The following UTRN variants were observed in gnomAD, a reference collection of about 807,000 sequenced individuals.
The protein encoded by UTRN is utrophin.
UTRN carries 283 observed loss-of-function variants against 463.9 expected under a neutral mutation model. That is an observed-to-expected ratio of 0.61 (90% CI 0.55 to 0.67). UTRN has a LOEUF of 0.67. Among genes scored for constraint, UTRN ranks in the 30% least tolerant of loss-of-function variants. UTRN has a pLI of 0.00. For synonymous variants in UTRN, 1,442 were observed against 1,431.5 expected, an observed-to-expected ratio of 1.01 and a Z score of -0.17; for missense variants, 3,922 against 4,084.3, an observed-to-expected ratio of 0.96 and a Z score of 1.08.
At chr6:144,297,445 C>T (rs1048429442) in intron 2 of UTRN, among the ~76,000 whole-genome samples, 4 of 152,106 alleles carry the variant, frequency 2.6e-5, no homozygotes, top group African/African-American at 9.7e-5. Context: ...TGAGGAAAGA[C>T]AGTGGTTAAG....
At chr6:144,418,819 T>C (rs1009939241) in intron 3 of UTRN, among the ~76,000 whole-genome samples, 2 of 152,274 alleles carry the variant, frequency 1.3e-5, no homozygotes, top group African/African-American at 4.8e-5. Flanking sequence ...CCCAAAGTGC[T>C]GAGATTACAG....
intron 27 of UTRN, among the ~76,000 whole-genome samples, chr6:144,483,915 C>T (rs1792150545): frequency 1.3e-5 from 2 of 152,232 alleles, no homozygotes; most frequent in Middle Eastern, 3.4e-3. Context: ...ACTGGCTGGC[C>T]CTTTGTAGAA....
chr6:144,798,211 A>T (rs1357908273), intron 64 of UTRN, among the ~76,000 whole-genome samples: 1 of 152,106 alleles, frequency 6.6e-6, no homozygotes, highest in Non-Finnish European at 1.5e-5. Flanking sequence ...CATTTACACT[A>T]CTTGGATCAG....
At chr6:144,638,414 T>C (rs980933002) in intron 51 of UTRN, among the ~76,000 whole-genome samples, 2 of 152,202 alleles carry the variant, frequency 1.3e-5, no homozygotes, top group African/African-American at 4.8e-5. Context: ...TGTGGTGAAA[T>C]TGGTTTTATT....
At chr6:144,472,575 G>T (rs988419116) in intron 23 of UTRN, among the ~76,000 whole-genome samples, 1 of 152,064 alleles carries the variant, frequency 6.6e-6, no homozygotes, top group Admixed American at 6.6e-5. Flanking sequence ...AAAAATTGAT[G>T]TAGTTTCCAG....
chr6:144,701,587 T>C (rs1784596809), intron 53 of UTRN, among the ~76,000 whole-genome samples: 1 of 152,330 alleles, frequency 6.6e-6, no homozygotes, highest in African/African-American at 2.4e-5. Flanking sequence ...TATGCCCATT[T>C]TCTTGTATAT....
Position 144,637,692 on chromosome 6 carries a change from A to G in UTRN, c.7480-40714A>G, listed in dbSNP as rs920809742. Among the ~76,000 whole-genome samples the G allele has an allele frequency of 2.6e-5, 4 of 151,662 alleles. No homozygotes were observed. The South Asian group carries it at 8.3e-4, about 31-fold the overall frequency. On this transcript the variant is annotated intron_variant, in intron 51 of 74. Coordinates refer to ENST00000367545, the MANE Select transcript of UTRN (RefSeq NM_007124.3). ...TTCTGTACGTGGCATATGTTTCAAC[A>G]TCTTGCCTTTTCCCCTCCACCCTAA...
chr6:144,732,241 T>TATATATATATATATATATAC (rs1562832431), intron 54 of UTRN, among the ~76,000 whole-genome samples: 851 of 23,874 alleles, frequency 0.036, 11 homozygotes, highest in South Asian at 0.094. Context: ...TATATATACA[T>TATATATATATATATATATAC]ATATATATAT....
intron 51 of UTRN, among the ~76,000 whole-genome samples, chr6:144,621,758 T>A (rs1046846640): frequency 6.6e-6 from 1 of 152,136 alleles, no homozygotes; most frequent in African/African-American, 2.4e-5. Context: ...ACCCCCAGTA[T>A]AAGAGTGTAA....
At chr6:144,712,934 G>A (rs575959700) in intron 53 of UTRN, among the ~76,000 whole-genome samples, 92 of 152,238 alleles carry the variant, frequency 6.0e-4, no homozygotes, top group Non-Finnish European at 1.1e-3. Flanking sequence ...GTAGAGTAAG[G>A]GGTGCTGCTT....
rs7738137 is a variant in UTRN, at chr6:144,844,628, G to A, written c.10271-2177G>A. On this transcript the variant is annotated intron_variant, in intron 73 of 74. Coordinates refer to ENST00000367545, the MANE Select transcript of UTRN (RefSeq NM_007124.3). ...ATTTTCTAGCTGGGAAGGTTTCCTT[G>A]TAGCATTCCTAGATAGTACTCAGAA... Among the ~76,000 whole-genome samples the A allele has an allele frequency of 5.9e-3, 890 of 152,134 alleles. 8 individuals carry two copies. Among genetic ancestry groups the A allele is most frequent in the African/African-American group, 0.019 (774 of 41,506 alleles).
At chr6:144,738,337 T>C (rs990474247) in intron 54 of UTRN, among the ~76,000 whole-genome samples, 5 of 152,200 alleles carry the variant, frequency 3.3e-5, no homozygotes, top group African/African-American at 1.2e-4. Context: ...TGCTGCACAG[T>C]GAAGCTGTGC....
At chr6:144,606,634 C>T (rs889717377) in intron 51 of UTRN, among the ~76,000 whole-genome samples, 3 of 152,150 alleles carry the variant, frequency 2.0e-5, no homozygotes, top group Admixed American at 2.0e-4. Context: ...CTGATGCAAA[C>T]TCTTAGAAAT....
At chr6:144,592,129 A>G (rs983885679) in intron 51 of UTRN, among the ~76,000 whole-genome samples, 5 of 152,000 alleles carry the variant, frequency 3.3e-5, no homozygotes, top group African/African-American at 1.2e-4. Flanking sequence ...TGCTTTTTTT[A>G]TGTCTTATAT....
chr6:144,328,788 A>G (rs1455216682), intron 2 of UTRN, among the ~76,000 whole-genome samples: 3 of 151,444 alleles, frequency 2.0e-5, no homozygotes, highest in Non-Finnish European at 4.4e-5. Flanking sequence ...GTGAAGCCAG[A>G]CAAATTTTTT....
intron 63 of UTRN, among the ~76,000 whole-genome samples, chr6:144,796,533 C>G (rs1455656009): frequency 6.6e-6 from 1 of 152,080 alleles, no homozygotes; most frequent in Non-Finnish European, 1.5e-5. Context: ...ATTAAAGTAT[C>G]AGTTTTTTTT....
intron 51 of UTRN, among the ~76,000 whole-genome samples, chr6:144,609,700 A>G (rs1172200042): frequency 6.6e-6 from 1 of 152,210 alleles, no homozygotes; most frequent in Non-Finnish European, 1.5e-5. Context: ...ACCTTAGCAA[A>G]TGTAAGAGTA....
At position 144,751,830 on chromosome 6, in the gene UTRN, A is replaced by T. The variant is rs1354312982; in HGVS notation, c.8233A>T (p.Ile2745Phe). The part of the protein sequence containing the change: ...IMAFREEIAP[I>F]NFKVKTVNDL... ...GGCATTTAGAGAAGAAATTGCACCAATCAACTTTAAAGTTAAAACGGTGAA... is the reference window on the plus strand; with the variant it reads ...GGCATTTAGAGAAGAAATTGCACCATTCAACTTTAAAGTTAAAACGGTGAA... Residue 2745 changes from isoleucine (I) to phenylalanine (F), a missense_variant, in exon 56 of 75, where the codon ATC (isoleucine) becomes TTC (phenylalanine). By Grantham distance (21) the Ile-to-Phe change is conservative (BLOSUM62 0). Around this residue, in one of 3 missense-constraint regions of UTRN, gnomAD observed 1,309 missense variants for 1,452.6 expected, o/e 0.90. Transcript: ENST00000367545. 1 of 1,608,518 alleles carries T rather than the reference A, an allele frequency of 6.2e-7. No homozygotes were observed. Among genetic ancestry groups the T allele is most frequent in the African/African-American group, 1.3e-5 (1 of 74,568 alleles).
chr6:144,747,298 A>G (rs1235505154), intron 54 of UTRN, among the ~76,000 whole-genome samples: 2 of 152,228 alleles, frequency 1.3e-5, no homozygotes, highest in Non-Finnish European at 2.9e-5. Flanking sequence ...GGATACCACC[A>G]TCAAACCAGC....
Sources: gnomAD v4.1 joint callset for allele counts (sites outside exome capture counted in the v4.1 genomes callset) on GRCh38, gnomAD v4.1.1 for gene constraint, gnomAD v4.1.1 regional missense constraint, MANE v1.5 for transcripts, NCBI Gene and HGNC (gene_info 2026-07-23, HGNC 2026-07-21) for gene names.